The following UNC80 variants were observed in gnomAD, a reference collection of about 807,000 sequenced individuals.
The protein encoded by UNC80 is unc-80 subunit of NALCN channel complex.
A neutral mutation model predicts 384.6 loss-of-function variants in UNC80; 164 were observed. The observed-to-expected ratio is 0.43, with a 90% CI of 0.38 to 0.49. The LOEUF (loss-of-function observed/expected upper bound fraction) is 0.49. Ranked by LOEUF, UNC80 falls within the 20% of genes least tolerant of loss-of-function variation. The pLI, the probability that UNC80 is intolerant of heterozygous loss-of-function variation, is 0.00. For synonymous variants in UNC80, 1,486 were observed against 1,527.8 expected, an observed-to-expected ratio of 0.97 and a Z score of 0.64; for missense variants, 3,330 against 4,143.0, an observed-to-expected ratio of 0.80 and a Z score of 5.39.
At chr2:209,967,902 T>C (rs2092782848) in intron 52 of UNC80, 2 of 312,508 alleles carry the variant, frequency 6.4e-6, no homozygotes, top group South Asian at 5.5e-5. Context: ...CTGACACATA[T>C]AAAAATTTCA....
In UNC80 at chr2:209,894,380, G is replaced by A. The variant is rs2086620002; in HGVS notation, c.4480+14G>A. 1 of 985,002 alleles carries A rather than the reference G, an allele frequency of 1.0e-6. No homozygotes were observed. The highest frequency in any genetic ancestry group is 6.2e-5 in the Admixed American group (1 of 16,260). The allele number at this position is 985,002 out of a possible 1,614,324, so 61.0% of individuals were successfully genotyped here. ...TCACTGACCTAGGTAACATAGAGGA[G>A]TGGGGTGTGCAGGGACGTGGGGGGT... On this transcript the variant is annotated intron_variant, in intron 27 of 64. Coordinates refer to ENST00000673920, the MANE Select transcript of UNC80 (RefSeq NM_001371986.1).
chr2:209,942,631 G>A (rs950063620), intron 44 of UNC80, among the ~76,000 whole-genome samples: 1 of 152,040 alleles, frequency 6.6e-6, no homozygotes, highest in Non-Finnish European at 1.5e-5. Context: ...TCAACCTATG[G>A]GGGCAAGAAA....
At position 209,839,521 on chromosome 2, in the gene UNC80, A is replaced by T. The variant is rs2081586835; in HGVS notation, c.3250+91A>T. On this transcript the variant is annotated intron_variant, in intron 19 of 64. Coordinates refer to ENST00000673920, the MANE Select transcript of UNC80 (RefSeq NM_001371986.1). The surrounding 1 kb of genome is among the most constrained non-coding windows in gnomAD (Gnocchi z 4.1). Reference sequence around the variant, plus strand: ...GTGATGCATAGTAGGGCCGAAAAAGAAGACCTTCAAGTCATAAGACCTAGA... The same window carrying T: ...GTGATGCATAGTAGGGCCGAAAAAGTAGACCTTCAAGTCATAAGACCTAGA... 2.3e-6 allele frequency: 3 copies of T among 1,330,180 alleles called. No individual in the cohort carries two copies. Among genetic ancestry groups the T allele is most frequent in the Non-Finnish European group, 3.1e-6 (3 of 960,076 alleles). The allele number at this position is 1,330,180 out of a possible 1,614,324, so 82.4% of individuals were successfully genotyped here. A position where few individuals can be genotyped will look rare whatever the true frequency, so the allele number is the denominator to read the frequency against.
intron 26 of UNC80, among the ~76,000 whole-genome samples, chr2:209,888,835 A>G (rs1243164860): frequency 6.6e-6 from 1 of 152,162 alleles, no homozygotes; most frequent in African/African-American, 2.4e-5. Flanking sequence ...TGTAAAACAT[A>G]ATAAAATGAG....
intron 26 of UNC80, among the ~76,000 whole-genome samples, chr2:209,889,704 A>G (rs1158930489): frequency 1.3e-5 from 2 of 152,000 alleles, no homozygotes; most frequent in Non-Finnish European, 2.9e-5. Flanking sequence ...CATGTTTCTC[A>G]TTGCTCAACT....
intron 47 of UNC80, among the ~76,000 whole-genome samples, chr2:209,949,879 G>A (rs2092086327): frequency 6.6e-6 from 1 of 151,752 alleles, no homozygotes; most frequent in South Asian, 2.1e-4. Context: ...CAAGGTTGGA[G>A]TGCAGTGTCA....
rs892559741 is a variant in UNC80, at chr2:209,872,034, A to C, written c.3628-724A>C. ...CTTTTCTTTTTTGAGGTGGAGTCTC[A>C]CTCTGTCTCCCAGGCTGGAGTGCAG... On this transcript the variant is annotated intron_variant, in intron 22 of 64. Coordinates refer to ENST00000673920, the MANE Select transcript of UNC80 (RefSeq NM_001371986.1). This position sits in a 1 kb window ranked among gnomAD's most constrained non-coding sequence, Gnocchi z 4.1. 8.6e-5 allele frequency among the ~76,000 whole-genome samples: 13 copies of C among 151,510 alleles called. No individual in the cohort carries two copies. The South Asian group carries it at 2.5e-3, about 29-fold the overall frequency.
intron 23 of UNC80, among the ~76,000 whole-genome samples, chr2:209,875,882 T>C (rs2124887656): frequency 6.6e-6 from 1 of 152,284 alleles, no homozygotes; most frequent in Non-Finnish European, 1.5e-5. Flanking sequence ...TATTTTTTTA[T>C]TTCAGTGGCT....
chr2:209,993,433 C>G lies in UNC80; in HGVS notation c.9508+7C>G. 1 of 1,549,746 alleles carries G rather than the reference C, an allele frequency of 6.5e-7. No individual in the cohort carries two copies. The highest frequency in any genetic ancestry group is 8.7e-7 in the Non-Finnish European group (1 of 1,145,328). On this transcript the variant is annotated splice_region_variant and intron_variant, in intron 63 of 64. Coordinates refer to ENST00000673920, the MANE Select transcript of UNC80 (RefSeq NM_001371986.1). The stretch of plus-strand genomic sequence containing the variant: ...CCTAAAACGAAGCCGTCTGGTGAGG[C>G]CTCCTGTGTCCCTTCTGACTATACC...
intron 13 of UNC80, among the ~76,000 whole-genome samples, chr2:209,821,325 A>G (rs187858484): frequency 6.6e-6 from 1 of 152,220 alleles, no homozygotes; most frequent in East Asian, 1.9e-4. Context: ...ACCTCACTTA[A>G]CCCTAATTAC....
At chr2:209,857,186 T>C (rs2082999421) in intron 22 of UNC80, among the ~76,000 whole-genome samples, 1 of 152,188 alleles carries the variant, frequency 6.6e-6, no homozygotes, top group South Asian at 2.1e-4. Flanking sequence ...TCGAGGCTCT[T>C]CGTTCTTCCA....
At chr2:209,849,065 A>G (rs2124837444) in intron 21 of UNC80, among the ~76,000 whole-genome samples, 1 of 152,264 alleles carries the variant, frequency 6.6e-6, no homozygotes, top group African/African-American at 2.4e-5. Context: ...ATGCTGTATC[A>G]ATTTGTTGTA....
intron 42 of UNC80, 30 bp downstream of exon 42, chr2:209,937,660 G>C: frequency 6.8e-7 from 1 of 1,479,150 alleles, no homozygotes; most frequent in African/African-American, 1.4e-5. Context: ...TTATTCCATG[G>C]TTTTGTCATG....
Position 209,945,834 on chromosome 2 carries a change from T to C in UNC80, c.7190-13T>C. ...CCACTCTGATAGTTTGCCTTTACTTTTTGTTCCTTCAGATTTCTGCTATGG... is the reference window on the plus strand; with the variant it reads ...CCACTCTGATAGTTTGCCTTTACTTCTTGTTCCTTCAGATTTCTGCTATGG... On this transcript the variant is annotated splice_polypyrimidine_tract_variant and intron_variant, in intron 46 of 64. Transcript: ENST00000673920. The C allele has an allele frequency of 2.6e-6, 4 of 1,546,458 alleles. No homozygotes were observed. The highest frequency in any genetic ancestry group is 2.6e-6 in the Non-Finnish European group (3 of 1,142,436).
intron 15 of UNC80, among the ~76,000 whole-genome samples, chr2:209,830,260 T>A (rs950171881): frequency 2.4e-4 from 37 of 152,190 alleles, no homozygotes; most frequent in African/African-American, 8.0e-4. Flanking sequence ...GGTTTCACAT[T>A]AAAATAAAAT....
chr2:209,826,614 GTGAAACT>G (rs1284318269), intron 14 of UNC80, among the ~76,000 whole-genome samples: 3 of 152,116 alleles, frequency 2.0e-5, no homozygotes, highest in African/African-American at 7.2e-5. Context: ...TGTCAACTGT[GTGAAACT>G]TGAAACTCTG....
At chr2:209,825,886 T>A in intron 13 of UNC80, 21 bp from the exon 14 acceptor site, 1 of 1,511,878 alleles carries the variant, frequency 6.6e-7, no homozygotes, top group Non-Finnish European at 8.8e-7. Flanking sequence ...CTTTTCTTTC[T>A]TTCTCATTCG....
chr2:209,949,666 T>C (rs1278577750), intron 47 of UNC80, among the ~76,000 whole-genome samples: 1 of 152,022 alleles, frequency 6.6e-6, no homozygotes. Context: ...TTAGTAGACA[T>C]GGGGTTTCAC....
intron 7 of UNC80, among the ~76,000 whole-genome samples, chr2:209,806,599 A>T (rs2153826694): frequency 6.6e-6 from 1 of 152,338 alleles, no homozygotes; most frequent in South Asian, 2.1e-4. Flanking sequence ...ACAAATGTTC[A>T]TGTGTCTTTA....
Sources: allele counts gnomAD v4.1 joint callset (sites outside exome capture counted in the v4.1 genomes callset), GRCh38; gene constraint gnomAD v4.1.1; non-coding constraint Gnocchi (gnomAD v3.1); transcripts MANE v1.5; gene names NCBI Gene and HGNC (gene_info 2026-07-23, HGNC 2026-07-21).